Variants in MDFIC2 observed in about 807,000 individuals in gnomAD.
The protein encoded by MDFIC2 is MyoD family inhibitor domain containing 2.
At chr3:70,227,126 T>C (rs1701515456) in intron 2 of MDFIC2, among the ~76,000 whole-genome samples, 2 of 152,204 alleles carry the variant, frequency 1.3e-5, no homozygotes, top group Admixed American at 6.5e-5. Flanking sequence ...CTGTGTAAGA[T>C]ACTTGAAATA....
In MDFIC2 at chr3:70,206,576, GTC is replaced by G. The variant is rs1301871051; in HGVS notation, c.301_302del (p.Asp101HisfsTer2). ...GAATTCTGAGAAACATACCATCAGTGTCTCTGTGATGAACTGAAGTATCAGTT... is the reference window on the plus strand; with the variant it reads ...GAATTCTGAGAAACATACCATCAGTGTCTGTGATGAACTGAAGTATCAGTT... Reference protein sequence around the residue: ...LQTDTSVHHRDTDEECASLIL... With the variant: ...LQTDTSVHHRXTDEECASLIL... On this transcript the variant is annotated frameshift_variant, in exon 3 of 4. Coordinates refer to ENST00000567252, the MANE Select transcript of MDFIC2 (RefSeq NM_001364677.1). LOFTEE classifies it high-confidence loss of function. The G allele has an allele frequency of 5.0e-6, 2 of 397,592 alleles. No homozygotes were observed. Among genetic ancestry groups the G allele is most frequent in the Non-Finnish European group, 8.9e-6 (2 of 225,450 alleles). 24.6% of individuals were successfully genotyped at this position (397,592 alleles called of 1,614,324 possible). A position where few individuals can be genotyped will look rare whatever the true frequency, so the allele number is the denominator to read the frequency against.
rs796838820 is a variant in MDFIC2, at chr3:70,248,791, C to T, written c.89-42001G>A. ...GGTGATTAACCTGGTTAATATAAAA[C>T]AAGATAGTATTGAGTAGGCTACCAT... On this transcript the variant is annotated intron_variant, in intron 2 of 3. Transcript: ENST00000567252. 6.6e-5 allele frequency among the ~76,000 whole-genome samples: 10 copies of T among 152,014 alleles called. No homozygotes were observed. In the East Asian group the frequency reaches 1.7e-3, roughly 26 times the overall value.
At chr3:70,209,946 A>G (rs940337174) in intron 2 of MDFIC2, among the ~76,000 whole-genome samples, 1 of 152,122 alleles carries the variant, frequency 6.6e-6, no homozygotes, top group African/African-American at 2.4e-5. Flanking sequence ...TAGCTCAGAA[A>G]GAGCTGATAG....
rs183255488 is a variant in MDFIC2, at chr3:70,232,167, C to T, written c.89-25377G>A. On this transcript the variant is annotated intron_variant, in intron 2 of 3. Coordinates refer to ENST00000567252, the MANE Select transcript of MDFIC2 (RefSeq NM_001364677.1). ...AGGTGCCCCAACCGTACACTCGACA[C>T]ACTTGGAAGAATAAATATTGATCTG... Among the ~76,000 whole-genome samples, 102 of 152,336 alleles carry T rather than the reference C, an allele frequency of 6.7e-4. 1 individual carries two copies. The highest frequency in any genetic ancestry group is 2.9e-3 in the Admixed American group (44 of 15,302).
At chr3:70,286,785 A>T in intron 2 of MDFIC2, among the ~76,000 whole-genome samples, 1 of 152,072 alleles carries the variant, frequency 6.6e-6, no homozygotes, top group Non-Finnish European at 1.5e-5. Flanking sequence ...ATCCCTTATA[A>T]GTTGGATTCC....
chr3:70,268,362 C>CTACT (rs1191628796), intron 2 of MDFIC2, among the ~76,000 whole-genome samples: 1 of 151,036 alleles, frequency 6.6e-6, no homozygotes, highest in Non-Finnish European at 1.5e-5. Flanking sequence ...GTAGTCGTAG[C>CTACT]TACTTGGGAG....
chr3:70,198,562 T>C (rs1261076704), intron 3 of MDFIC2, among the ~76,000 whole-genome samples: 5 of 152,162 alleles, frequency 3.3e-5, no homozygotes, highest in African/African-American at 1.2e-4. Flanking sequence ...TGAATATAAG[T>C]AAACAGAAAT....
At position 70,279,418 on chromosome 3, in the gene MDFIC2, C is replaced by A. The variant is rs370617115; in HGVS notation, c.88+32468G>T. Among the ~76,000 whole-genome samples, 22 of 152,206 alleles carry A rather than the reference C, an allele frequency of 1.4e-4. No homozygotes were observed. In the South Asian group the frequency reaches 4.6e-3, roughly 32 times the overall value. On this transcript the variant is annotated intron_variant, in intron 2 of 3. Coordinates refer to ENST00000567252, the MANE Select transcript of MDFIC2 (RefSeq NM_001364677.1). ...TATATCACACTCGTCAGAAAGACCT[C>A]TGGACTTTATCTCCTTCACATCTCT...
At chr3:70,214,874 T>A (rs923284161) in intron 2 of MDFIC2, among the ~76,000 whole-genome samples, 1 of 152,050 alleles carries the variant, frequency 6.6e-6, no homozygotes, top group Non-Finnish European at 1.5e-5. Flanking sequence ...ATAAAGATTA[T>A]GTTATCTGAG....
At chr3:70,213,733 T>G (rs1701373175) in intron 2 of MDFIC2, among the ~76,000 whole-genome samples, 2 of 152,154 alleles carry the variant, frequency 1.3e-5, no homozygotes, top group Non-Finnish European at 2.9e-5. Flanking sequence ...TTATACTCTC[T>G]GCAGCTTGGT....
intron 2 of MDFIC2, among the ~76,000 whole-genome samples, chr3:70,218,007 G>A (rs533478349): frequency 6.6e-5 from 10 of 152,156 alleles, no homozygotes; most frequent in Non-Finnish European, 1.0e-4. Context: ...TCACAGGAGC[G>A]AGGGAACAGA....
At chr3:70,267,569 A>ATTTTTG (rs1559549233) in intron 2 of MDFIC2, among the ~76,000 whole-genome samples, 2 of 30,732 alleles carry the variant, frequency 6.5e-5, no homozygotes, top group Non-Finnish European at 1.6e-4. Context: ...TGCCCGGCTA[A>ATTTTTG]TTTTTTGTAT....
intron 2 of MDFIC2, among the ~76,000 whole-genome samples, chr3:70,293,071 A>G (rs898829117): frequency 1.4e-5 from 2 of 145,974 alleles, no homozygotes; most frequent in Non-Finnish European, 3.0e-5. Context: ...AAAAAAAAAA[A>G]GTAGCATATT....
Position 70,230,378 on chromosome 3 carries a change from T to G in MDFIC2, c.89-23588A>C, listed in dbSNP as rs141587078. 9.6e-3 allele frequency among the ~76,000 whole-genome samples: 1,459 copies of G among 152,344 alleles called. 22 individuals are homozygous for G. Among genetic ancestry groups the G allele is most frequent in the African/African-American group, 0.033 (1,375 of 41,576 alleles). On this transcript the variant is annotated intron_variant, in intron 2 of 3. Transcript: ENST00000567252. The stretch of plus-strand genomic sequence containing the variant: ...TTTTTTTCACCAGGATATCCTTTCA[T>G]AAAAATCTGTGTATATTTGAGGGCT...
At chr3:70,222,254 TG>T (rs1701466895) in intron 2 of MDFIC2, among the ~76,000 whole-genome samples, 1 of 152,298 alleles carries the variant, frequency 6.6e-6, no homozygotes, top group East Asian at 1.9e-4. Context: ...TACTTGCTTT[TG>T]GCAACTGGAG....
chr3:70,199,424 T>C (rs1034107943), intron 3 of MDFIC2, among the ~76,000 whole-genome samples: 9 of 152,172 alleles, frequency 5.9e-5, no homozygotes, highest in African/African-American at 1.9e-4. Flanking sequence ...AATTGGCACT[T>C]GTTTCCTTCT....
chr3:70,292,458 C>T (rs1575617824), intron 2 of MDFIC2, among the ~76,000 whole-genome samples: 1 of 152,070 alleles, frequency 6.6e-6, no homozygotes, highest in Non-Finnish European at 1.5e-5. Flanking sequence ...GTAATACTAG[C>T]AAAGGTAAAT....
At chr3:70,239,630 T>C (rs1701646913) in intron 2 of MDFIC2, among the ~76,000 whole-genome samples, 1 of 152,136 alleles carries the variant, frequency 6.6e-6, no homozygotes, top group South Asian at 2.1e-4. Context: ...GCTTAACATT[T>C]CTAGACCTCA....
intron 2 of MDFIC2, among the ~76,000 whole-genome samples, chr3:70,218,323 G>A (rs1303676584): frequency 6.6e-6 from 1 of 152,112 alleles, no homozygotes; most frequent in Non-Finnish European, 1.5e-5. Flanking sequence ...GTATGCATGT[G>A]CACATGGATG....
Sources: gnomAD v4.1 joint callset for allele counts (sites outside exome capture counted in the v4.1 genomes callset) on GRCh38, gnomAD v4.1.1 for gene constraint, MANE v1.5 for transcripts, NCBI Gene and HGNC (gene_info 2026-07-23, HGNC 2026-07-21) for gene names.